ZBTB44: variants seen among roughly 807,000 people sequenced by gnomAD.
ZBTB44 encodes zinc finger and BTB domain containing 44.
ZBTB44 carries 15 observed loss-of-function variants against 54.0 expected under a neutral mutation model. The observed-to-expected ratio is 0.28, with a 90% confidence interval of 0.19 to 0.43. ZBTB44 has a LOEUF of 0.43. Among genes scored for constraint, ZBTB44 ranks in the 20% least tolerant of loss-of-function variants. ZBTB44 has a pLI of 1.00. For synonymous variants in ZBTB44, 230 were observed against 250.1 expected (o/e 0.92, Z 0.76); for missense variants, 487 against 707.1 (o/e 0.69, Z 3.53).
At chr11:130,271,846 T>C (rs542750223) in intron 1 of ZBTB44, among the ~76,000 whole-genome samples, 1 of 152,310 alleles carries the variant, frequency 6.6e-6, no homozygotes, top group South Asian at 2.1e-4. Context: ...AAGACAGGAA[T>C]TGCTGGGTCA....
At chr11:130,302,715 T>C (rs1473834026) in intron 1 of ZBTB44, among the ~76,000 whole-genome samples, 1 of 152,226 alleles carries the variant, frequency 6.6e-6, no homozygotes, top group Admixed American at 6.5e-5. Context: ...GGCTCACGCC[T>C]GTAATCCCAA....
intron 1 of ZBTB44, among the ~76,000 whole-genome samples, chr11:130,303,642 A>T (rs1352260035): frequency 6.6e-6 from 1 of 152,162 alleles, no homozygotes; most frequent in African/African-American, 2.4e-5. Context: ...TCTCAAAAAA[A>T]CCAAAACCAA....
chr11:130,284,463 A>G (rs1940785659), intron 1 of ZBTB44, among the ~76,000 whole-genome samples: 1 of 152,256 alleles, frequency 6.6e-6, no homozygotes, highest in Non-Finnish European at 1.5e-5. Flanking sequence ...AAACCAAGTC[A>G]GTTACTTAAT....
chr11:130,252,325 T>C (rs1194196723), intron 2 of ZBTB44, among the ~76,000 whole-genome samples: 2 of 152,250 alleles, frequency 1.3e-5, no homozygotes, highest in South Asian at 4.1e-4. Context: ...ACAATAATAG[T>C]GGGAGACTTT....
chr11:130,228,776 A>G lies in ZBTB44; in HGVS notation c.*2988T>C, dbSNP rs1026373958. On this transcript the variant is annotated 3_prime_UTR_variant, in exon 8 of 8. Coordinates refer to ENST00000357899, the MANE Select transcript of ZBTB44 (RefSeq NM_001301098.2). ...TTGGGAAAACAAGGGCCTTTTAATA[A>G]AAGTCCTGACACTGGAGCTCCTCCC... The G allele has an allele frequency of 6.6e-6, 1 of 152,192 alleles. No homozygotes were observed. Among genetic ancestry groups the G allele is most frequent in the Non-Finnish European group, 1.5e-5 (1 of 68,034 alleles). 9.4% of individuals were successfully genotyped at this position (152,192 alleles called of 1,614,324 possible). A position where few individuals can be genotyped will look rare whatever the true frequency, so the allele number is the denominator to read the frequency against.
intron 1 of ZBTB44, among the ~76,000 whole-genome samples, chr11:130,269,237 C>T (rs1479391351): frequency 6.6e-6 from 1 of 151,296 alleles, no homozygotes; most frequent in Non-Finnish European, 1.5e-5. Context: ...TGCAGTGAGC[C>T]GAGATCACAC....
At chr11:130,279,308 TAAAA>T (rs757969480) in intron 1 of ZBTB44, among the ~76,000 whole-genome samples, 9 of 110,156 alleles carry the variant, frequency 8.2e-5, no homozygotes, top group East Asian at 7.9e-4. Context: ...TACTGTTATT[TAAAA>T]AAAAAAAAAA....
intron 2 of ZBTB44, among the ~76,000 whole-genome samples, chr11:130,248,667 A>T (rs1445473915): frequency 6.6e-6 from 1 of 152,124 alleles, no homozygotes; most frequent in Non-Finnish European, 1.5e-5. Context: ...AAAACAAAAA[A>T]ACACAAGAAA....
At chr11:130,231,984 A>AACAC (rs1953892775) in intron 7 of ZBTB44, 1 of 152,204 alleles carries the variant, frequency 6.6e-6, no homozygotes, top group South Asian at 2.1e-4. Flanking sequence ...TCCTGAAGGG[A>AACAC]ACACACCTAT....
intron 1 of ZBTB44, among the ~76,000 whole-genome samples, chr11:130,300,995 T>C (rs1941958383): frequency 6.6e-6 from 1 of 152,172 alleles, no homozygotes; most frequent in South Asian, 2.1e-4. Flanking sequence ...CAGATTTTTT[T>C]TTTATTAAAG....
chr11:130,283,636 A>G (rs1940700567), intron 1 of ZBTB44, among the ~76,000 whole-genome samples: 1 of 152,142 alleles, frequency 6.6e-6, no homozygotes, highest in Non-Finnish European at 1.5e-5. Context: ...TTATTCGACA[A>G]TGAGAAGGCA....
chr11:130,295,672 A>G lies in ZBTB44; in HGVS notation c.-57+18703T>C, dbSNP rs1375240083. 1.1e-5 allele frequency: 15 copies of G among 1,316,564 alleles called. No individual in the cohort carries two copies. The East Asian group carries it at 3.2e-4, about 28-fold the overall frequency. The allele number at this position is 1,316,564 out of a possible 1,614,324, so 81.6% of individuals were successfully genotyped here. On this transcript the variant is annotated intron_variant, in intron 1 of 7. Transcript: ENST00000357899. ...TTTACCAACATGACTGAAATTCAGC[A>G]TGAAAGTATCAGACCACTTCTGGAA...
intron 1 of ZBTB44, among the ~76,000 whole-genome samples, chr11:130,311,371 G>C (rs1385348): frequency 1.3e-5 from 2 of 151,940 alleles, no homozygotes; most frequent in African/African-American, 4.8e-5. Flanking sequence ...ACCACGCCTG[G>C]CTAATTTTTT....
chr11:130,238,114 CA>C (rs1311317021), intron 4 of ZBTB44, among the ~76,000 whole-genome samples: 1 of 152,160 alleles, frequency 6.6e-6, no homozygotes, highest in Non-Finnish European at 1.5e-5. Context: ...AAAGAACACC[CA>C]TACAGACCCT....
chr11:130,233,107 T>C lies in ZBTB44; in HGVS notation c.*48+201A>G. On this transcript the variant is annotated intron_variant, in intron 7 of 7. Transcript: ENST00000357899. ...ATCCCCAACAACACATAAACCTATA[T>C]ATAAAATATAGAATATCTCCAGTAT... 4 of 522,612 alleles carry C rather than the reference T, an allele frequency of 7.7e-6. No homozygotes were observed. The South Asian group carries it at 1.2e-4, about 16-fold the overall frequency. 32.4% of individuals were successfully genotyped at this position (522,612 alleles called of 1,614,324 possible). A position where few individuals can be genotyped will look rare whatever the true frequency, so the allele number is the denominator to read the frequency against.
rs1940321139 is a variant in ZBTB44, at chr11:130,279,089, T to C, written c.-56-17160A>G. 3.3e-5 allele frequency among the ~76,000 whole-genome samples: 5 copies of C among 152,166 alleles called. No individual in the cohort carries two copies. The South Asian group carries it at 1.0e-3, about 31-fold the overall frequency. On this transcript the variant is annotated intron_variant, in intron 1 of 7. Transcript: ENST00000357899. The stretch of plus-strand genomic sequence containing the variant: ...TTTCTTCTACCTCCCTCTTTCTTGG[T>C]GCTTCTTACTGTTTCTTGCTTATTT...
chr11:130,257,840 CCAAGGTAT>C (rs1938565477), intron 2 of ZBTB44, among the ~76,000 whole-genome samples: 1 of 152,090 alleles, frequency 6.6e-6, no homozygotes, highest in Admixed American at 6.6e-5. Flanking sequence ...TAGGTATTCC[CCAAGGTAT>C]CCCCTTGGTT....
intron 1 of ZBTB44, among the ~76,000 whole-genome samples, chr11:130,273,709 T>G (rs1373014329): frequency 6.6e-6 from 1 of 152,214 alleles, no homozygotes; most frequent in African/African-American, 2.4e-5. Flanking sequence ...AACTTGTTTA[T>G]TAGTCCTATA....
chr11:130,271,474 TGAG>T (rs970108360), intron 1 of ZBTB44, among the ~76,000 whole-genome samples: 1 of 152,174 alleles, frequency 6.6e-6, no homozygotes, highest in African/African-American at 2.4e-5. Context: ...CAAGTCAACT[TGAG>T]GAGGTTCCCA....
Sources: allele counts gnomAD v4.1 joint callset (sites outside exome capture counted in the v4.1 genomes callset), GRCh38; gene constraint gnomAD v4.1.1; transcripts MANE v1.5; gene names NCBI Gene and HGNC (gene_info 2026-07-23, HGNC 2026-07-21).